SYNE2: variants seen among roughly 807,000 people sequenced by gnomAD.
SYNE2 encodes spectrin repeat containing nuclear envelope protein 2.
SYNE2 carries 431 observed loss-of-function variants against 856.3 expected under a neutral mutation model. The observed-to-expected ratio is 0.50, with a 90% CI of 0.47 to 0.55. SYNE2 has a LOEUF of 0.55. Ranked by LOEUF, SYNE2 falls within the 20% of genes least tolerant of loss-of-function variation. The pLI is 0.00. For synonymous variants in SYNE2, 2,923 were observed against 2,872.3 expected (o/e 1.02, Z -0.56); for missense variants, 8,129 against 8,023.2 (o/e 1.01, Z -0.50).
At chr14:63,986,681 A>G in intron 19 of SYNE2, 64 bp downstream of exon 19, 1 of 1,563,220 alleles carries the variant, frequency 6.4e-7, no homozygotes, top group Non-Finnish European at 8.8e-7. Context: ...TAAGTTAAAT[A>G]AGAAGTTTTA....
At chr14:64,146,623 T>C (rs563879373) in intron 84 of SYNE2, among the ~76,000 whole-genome samples, 1 of 152,362 alleles carries the variant, frequency 6.6e-6, no homozygotes, top group African/African-American at 2.4e-5. Context: ...GAAAATGATT[T>C]TCTTCTACCT....
intron 61 of SYNE2, among the ~76,000 whole-genome samples, chr14:64,096,052 G>A (rs2097674312): frequency 6.6e-6 from 1 of 152,150 alleles, no homozygotes; most frequent in Non-Finnish European, 1.5e-5. Flanking sequence ...CTTGGAAACA[G>A]AGAACAGCCC....
intron 7 of SYNE2, among the ~76,000 whole-genome samples, chr14:63,954,280 A>G (rs1255873): frequency 0.68 from 103,279 of 152,002 alleles, 35,347 homozygotes; most frequent in South Asian, 0.77. Flanking sequence ...TCTAGTTAGG[A>G]ACCTTGACCT....
At chr14:63,834,643 C>CTTTTTTT (rs368369862) in intron 1 of SYNE2, among the ~76,000 whole-genome samples, 1 of 134,954 alleles carries the variant, frequency 7.4e-6, no homozygotes, top group Non-Finnish European at 1.6e-5. Context: ...CTTTTTCTTT[C>CTTTTTTT]TTTTTTTTTT....
intron 1 of SYNE2, among the ~76,000 whole-genome samples, chr14:63,802,366 C>A (rs1888172124): frequency 6.6e-6 from 1 of 151,708 alleles, no homozygotes; most frequent in African/African-American, 2.4e-5. Flanking sequence ...CTCGGCCTCC[C>A]CAGGTTCTGG....
In SYNE2 at chr14:64,159,454, G is replaced by T; in HGVS notation, c.16094+12G>T. 6.2e-6 allele frequency: 10 copies of T among 1,612,586 alleles called. No homozygotes were observed. Among genetic ancestry groups the T allele is most frequent in the Non-Finnish European group, 8.5e-6 (10 of 1,179,234 alleles). On this transcript the variant is annotated intron_variant, in intron 87 of 115. Coordinates refer to ENST00000555002, the MANE Select transcript of SYNE2 (RefSeq NM_182914.3). The stretch of plus-strand genomic sequence containing the variant: ...AATACTCATAAAAGGTATGCTTTCA[G>T]ATATAATTTGAATGATAGATATCTT...
intron 99 of SYNE2, 138 bp downstream of exon 99, chr14:64,190,375 G>A: frequency 8.9e-7 from 1 of 1,119,278 alleles, no homozygotes. Flanking sequence ...TGATAAAAAT[G>A]AGTGGAAATT....
At chr14:63,814,519 T>C (rs1263219406) in intron 1 of SYNE2, among the ~76,000 whole-genome samples, 1 of 115,286 alleles carries the variant, frequency 8.7e-6, no homozygotes, top group Non-Finnish European at 1.8e-5. Flanking sequence ...TATATATCCA[T>C]TATATATATC....
chr14:63,955,775 T>C (rs2096234508), intron 8 of SYNE2, among the ~76,000 whole-genome samples: 1 of 152,212 alleles, frequency 6.6e-6, no homozygotes, highest in Admixed American at 6.5e-5. Flanking sequence ...TATGATACGC[T>C]TTCTTATAGA....
At chr14:64,060,408 C>T (rs190331262) in intron 49 of SYNE2, among the ~76,000 whole-genome samples, 1 of 152,214 alleles carries the variant, frequency 6.6e-6, no homozygotes, top group African/African-American at 2.4e-5. Context: ...GAAGTGGGTT[C>T]CCTTCTGGCC....
Position 64,056,125 on chromosome 14 carries a change from A to T in SYNE2, c.9926A>T (p.His3309Leu), listed in dbSNP as rs8010699. 131 of 1,613,844 alleles carry T rather than the reference A, an allele frequency of 8.1e-5. No homozygotes were observed. In the African/African-American group the frequency reaches 1.6e-3, roughly 20 times the overall value. ...GAGGAATTGGAATCCACAGTAGCAC[A>T]CATCCAGGACCTCACTGAGAAACTG... Reference protein sequence around the residue: ...KQEELESTVAHIQDLTEKLGM... With the variant: ...KQEELESTVALIQDLTEKLGM... Residue 3309 changes from histidine to leucine, a missense_variant, in exon 49 of 116, where the codon CAC becomes CTC. Physicochemically the swap from His to Leu is moderately conservative, Grantham distance 99. Around this residue, in one of 3 missense-constraint regions of SYNE2, gnomAD observed 5,410 missense variants for 5,284.8 expected, o/e 1.02. Coordinates refer to ENST00000555002, the MANE Select transcript of SYNE2 (RefSeq NM_182914.3).
At position 64,225,884 on chromosome 14, in the gene SYNE2, C is replaced by T; in HGVS notation, c.*358C>T. On this transcript the variant is annotated 3_prime_UTR_variant, in exon 116 of 116. Transcript: ENST00000555002. ...GGTATGGTCAATGAGCAGTGGTGTC[C>T]ATCACATATATTATAGAAGCAAGCG... 2.0e-6 allele frequency: 1 copy of T among 511,696 alleles called. No individual in the cohort carries two copies. The highest frequency in any genetic ancestry group is 1.9e-5 in the African/African-American group (1 of 52,694). 31.7% of individuals were successfully genotyped at this position (511,696 alleles called of 1,614,324 possible).
chr14:64,150,331 C>T (rs1054211632), intron 84 of SYNE2, among the ~76,000 whole-genome samples: 3 of 141,128 alleles, frequency 2.1e-5, no homozygotes, highest in Admixed American at 7.2e-5. Flanking sequence ...AGGATCCTCC[C>T]GCCTCAGCCT....
At position 63,896,482 on chromosome 14, in the gene SYNE2, C is replaced by T. The variant is rs563352634; in HGVS notation, c.-51-12616C>T. 5.3e-5 allele frequency among the ~76,000 whole-genome samples: 8 copies of T among 152,306 alleles called. No homozygotes were observed. In the South Asian group the frequency reaches 1.0e-3, roughly 20 times the overall value. On this transcript the variant is annotated intron_variant, in intron 1 of 115. Transcript: ENST00000555002. ...ATGGGTGGACTCTGTTTCAGGCATT[C>T]CTCTATGAATATTGTTTCTTGTAAT...
chr14:63,996,894 A>G (rs2096717997), intron 23 of SYNE2, 53 bp from the exon 24 acceptor site: 18 of 1,541,654 alleles, frequency 1.2e-5, no homozygotes, highest in Non-Finnish European at 1.6e-5. Flanking sequence ...TCCTTATGGA[A>G]TAATCATGTA....
chr14:64,102,634 T>G (rs1006960476), intron 64 of SYNE2, among the ~76,000 whole-genome samples: 1 of 151,912 alleles, frequency 6.6e-6, no homozygotes, highest in Non-Finnish European at 1.5e-5. Context: ...CCTCACATAT[T>G]TGTCATCTTT....
intron 23 of SYNE2, among the ~76,000 whole-genome samples, chr14:63,996,228 C>T (rs765295264): frequency 1.3e-5 from 2 of 152,204 alleles, no homozygotes; most frequent in Non-Finnish European, 2.9e-5. Context: ...TTAATTAAAT[C>T]TGTTGCCAAG....
chr14:63,835,743 G>C (rs1445946909), intron 1 of SYNE2, among the ~76,000 whole-genome samples: 2 of 151,950 alleles, frequency 1.3e-5, no homozygotes, highest in East Asian at 3.9e-4. Context: ...CAGTATTTTG[G>C]GAGGCTGAGG....
chr14:63,826,586 C>T (rs535722304), intron 1 of SYNE2, among the ~76,000 whole-genome samples: 4 of 152,272 alleles, frequency 2.6e-5, no homozygotes, highest in East Asian at 1.9e-4. Context: ...AGGCGTGAGT[C>T]ACCGCGCCTG....
Sources: gnomAD v4.1 joint callset for allele counts (sites outside exome capture counted in the v4.1 genomes callset) on GRCh38, gnomAD v4.1.1 for gene constraint, gnomAD v4.1.1 regional missense constraint, MANE v1.5 for transcripts, NCBI Gene and HGNC (gene_info 2026-07-23, HGNC 2026-07-21) for gene names.